Variants in ADAM9 observed in about 807,000 individuals in gnomAD.
The protein encoded by ADAM9 is disintegrin and metalloproteinase domain-containing protein 9.
ADAM9 carries 54 observed loss-of-function variants against 108.1 expected under a neutral mutation model. The ratio of observed to expected loss-of-function variants is 0.50; its 90% confidence interval spans 0.40 to 0.63. The LOEUF is 0.63. Ranked by LOEUF, ADAM9 falls within the 20% of genes least tolerant of loss-of-function variation. The pLI is 0.00. For synonymous variants in ADAM9, 316 were observed against 336.0 expected (o/e 0.94, Z 0.65); for missense variants, 830 against 997.7 (o/e 0.83, Z 2.26).
chr8:39,098,247 A>G (rs938014639), intron 20 of ADAM9, among the ~76,000 whole-genome samples: 2 of 151,980 alleles, frequency 1.3e-5, no homozygotes, highest in Admixed American at 6.6e-5. Context: ...TCTTTAGACT[A>G]TTTGGTGTAG....
At chr8:39,090,224 A>C in intron 19 of ADAM9, 36 bp downstream of exon 19, 1 of 1,522,996 alleles carries the variant, frequency 6.6e-7, no homozygotes, top group Non-Finnish European at 9.0e-7. Flanking sequence ...CCTATATTAA[A>C]TATATACATA....
chr8:39,029,083 AGGTATCC>A (rs1837018024), intron 11 of ADAM9, among the ~76,000 whole-genome samples: 2 of 151,756 alleles, frequency 1.3e-5, no homozygotes, highest in Non-Finnish European at 2.9e-5. Context: ...TTCAAATTTA[AGGTATCC>A]ATCATTTTCC....
intron 16 of ADAM9, among the ~76,000 whole-genome samples, chr8:39,080,986 T>C (rs1839005488): frequency 6.8e-6 from 1 of 146,486 alleles, no homozygotes; most frequent in Non-Finnish European, 1.5e-5. Context: ...GGTCTCGCTC[T>C]TTGACCCAGG....
intron 7 of ADAM9, among the ~76,000 whole-genome samples, chr8:39,019,206 A>G (rs1836652859): frequency 1.3e-5 from 2 of 152,012 alleles, no homozygotes; most frequent in East Asian, 3.9e-4. Context: ...TGTACTGCCT[A>G]TCAGGCTCTT....
At chr8:39,026,289 G>A (rs927451393) in intron 10 of ADAM9, among the ~76,000 whole-genome samples, 1 of 152,114 alleles carries the variant, frequency 6.6e-6, no homozygotes, top group Non-Finnish European at 1.5e-5. Flanking sequence ...GGTGTGTGAT[G>A]TTCCCCTCCC....
chr8:39,017,861 G>A (rs1415876539), intron 6 of ADAM9, among the ~76,000 whole-genome samples: 1 of 152,188 alleles, frequency 6.6e-6, no homozygotes, highest in African/African-American at 2.4e-5. Flanking sequence ...CCAAAGTGCT[G>A]GGATTATAGG....
chr8:39,008,208 G>T (rs1469594809), intron 2 of ADAM9, among the ~76,000 whole-genome samples: 2 of 150,718 alleles, frequency 1.3e-5, no homozygotes, highest in East Asian at 3.9e-4. Flanking sequence ...TTGCTCTGTC[G>T]CCCAGGCTGG....
Position 39,044,726 on chromosome 8 carries a change from A to G in ADAM9, c.1302+2609A>G, listed in dbSNP as rs1035314569. 9.2e-5 allele frequency among the ~76,000 whole-genome samples: 14 copies of G among 152,030 alleles called. 1 individual carries two copies. The highest frequency in any genetic ancestry group is 9.2e-4 in the Admixed American group (14 of 15,264). On this transcript the variant is annotated intron_variant, in intron 12 of 21. Coordinates refer to ENST00000487273, the MANE Select transcript of ADAM9 (RefSeq NM_003816.3). ...CCCATGCTTATAAGTGAGAATATGC[A>G]GTGTTTGATTTTGTGTTTCTGAGTT...
rs1337421459 is a variant in ADAM9, at chr8:39,077,385, G to A, written c.1855G>A (p.Glu619Lys). ...SDVPDPGMVN[E>K]GTKCGAGKIC... ...TGTTCCAGATCCTGGGATGGTTAAC[G>A]AAGGCACAAAATGTGGTGCTGGAAA... is the stretch of plus-strand genomic sequence containing the variant. Residue 619 changes from glutamate to lysine, a missense_variant, in exon 16 of 22, where the codon GAA becomes AAA. Transcript: ENST00000487273. 6.2e-7 allele frequency: 1 copy of A among 1,613,300 alleles called. No individual in the cohort carries two copies. The highest frequency in any genetic ancestry group is 8.5e-7 in the Non-Finnish European group (1 of 1,179,554).
chr8:39,022,201 A>C (rs767229345), intron 8 of ADAM9, among the ~76,000 whole-genome samples: 2 of 152,038 alleles, frequency 1.3e-5, no homozygotes, highest in Non-Finnish European at 2.9e-5. Flanking sequence ...TTATAATTTT[A>C]TCTACAAAGC....
At chr8:39,079,364 C>G (rs1357741154) in intron 16 of ADAM9, among the ~76,000 whole-genome samples, 1 of 152,126 alleles carries the variant, frequency 6.6e-6, no homozygotes, top group Non-Finnish European at 1.5e-5. Context: ...TCCTCAGCCT[C>G]CCAAAGTGCT....
chr8:39,054,154 AG>A (rs1228699013), intron 12 of ADAM9, among the ~76,000 whole-genome samples: 1 of 152,184 alleles, frequency 6.6e-6, no homozygotes, highest in African/African-American at 2.4e-5. Context: ...CTGAACTAGT[AG>A]GAACCTTGAT....
At chr8:39,030,475 A>G (rs1040863358) in intron 11 of ADAM9, among the ~76,000 whole-genome samples, 22 of 152,178 alleles carry the variant, frequency 1.4e-4, no homozygotes, top group African/African-American at 4.8e-4. Flanking sequence ...GTTTGGATGT[A>G]CCACAGTTTA....
intron 8 of ADAM9, among the ~76,000 whole-genome samples, chr8:39,022,095 TGTGAGA>T (rs1208015076): frequency 3.5e-5 from 5 of 144,638 alleles, no homozygotes; most frequent in South Asian, 2.1e-4. Flanking sequence ...TGTGTGTGTG[TGTGAGA>T]GAGAGAGAGA....
At chr8:39,050,314 A>G (rs1198342493) in intron 12 of ADAM9, among the ~76,000 whole-genome samples, 1 of 152,172 alleles carries the variant, frequency 6.6e-6, no homozygotes, top group Non-Finnish European at 1.5e-5. Flanking sequence ...CAGATTTGGG[A>G]AAATTTCAAC....
Position 39,077,217 on chromosome 8 carries a change from T to C in ADAM9, c.1698-11T>C. On this transcript the variant is annotated splice_polypyrimidine_tract_variant and intron_variant, in intron 15 of 21. Transcript: ENST00000487273. ...TGCATTTTATGTTGCATTATTTCTC[T>C]CTCTTTATAGGAATGCTTTGTGTGG... 2 of 1,613,854 alleles carry C rather than the reference T, an allele frequency of 1.2e-6. No homozygotes were observed. Among genetic ancestry groups the C allele is most frequent in the East Asian group, 4.5e-5 (2 of 44,864 alleles).
intron 9 of ADAM9, among the ~76,000 whole-genome samples, chr8:39,023,567 G>GT (rs1299013159): frequency 2.6e-5 from 4 of 151,850 alleles, no homozygotes; most frequent in Non-Finnish European, 5.9e-5. Context: ...CTTTGTACTA[G>GT]TTTTTTGTGA....
intron 12 of ADAM9, among the ~76,000 whole-genome samples, chr8:39,045,588 A>AT (rs1564303183): frequency 1.3e-4 from 19 of 150,638 alleles, no homozygotes; most frequent in African/African-American, 3.9e-4. Flanking sequence ...ATATATATAT[A>AT]AAAGATTTTT....
At chr8:39,044,942 CTATG>C (rs1375238929) in intron 12 of ADAM9, among the ~76,000 whole-genome samples, 1 of 109,636 alleles carries the variant, frequency 9.1e-6, no homozygotes, top group African/African-American at 3.5e-5. Flanking sequence ...GCACACATAC[CTATG>C]TATGTGTATA....
Sources: gnomAD v4.1 joint callset for allele counts (sites outside exome capture counted in the v4.1 genomes callset) on GRCh38, gnomAD v4.1.1 for gene constraint, MANE v1.5 for transcripts, NCBI Gene and HGNC (gene_info 2026-07-23, HGNC 2026-07-21) for gene names.